Variants in TAF1B observed in about 807,000 individuals in gnomAD.
TAF1B encodes TATA-box binding protein associated factor, RNA polymerase I subunit B, also known as TATA box-binding protein-associated factor RNA polymerase I subunit B.
In TAF1B, 61 loss-of-function variants were observed where a neutral mutation model predicts 83.9. The ratio of observed to expected loss-of-function variants is 0.73; its 90% CI spans 0.59 to 0.90. The LOEUF (loss-of-function observed/expected upper bound fraction) is 0.90, where lower values mean the gene tolerates loss of function less well. Among genes scored for constraint, TAF1B ranks in the 40% least tolerant of loss-of-function variants. The pLI, the probability that TAF1B is intolerant of heterozygous loss-of-function variation, is 0.00. For missense variants in TAF1B, 625 were observed against 677.0 expected, an observed-to-expected ratio of 0.92 and a Z score of 0.85; for synonymous variants, 221 against 224.6, an observed-to-expected ratio of 0.98 and a Z score of 0.14.
At chr2:9,850,206 T>A (rs1417614919) in intron 3 of TAF1B, among the ~76,000 whole-genome samples, 1 of 152,166 alleles carries the variant, frequency 6.6e-6, no homozygotes, top group Non-Finnish European at 1.5e-5. Context: ...AAAACCTGAT[T>A]AATTTTGCCT....
At chr2:9,911,002 TAAAAAA>T in intron 10 of TAF1B, 89 bp downstream of exon 10, 5 of 1,282,022 alleles carry the variant, frequency 3.9e-6, no homozygotes, top group Non-Finnish European at 5.3e-6. Context: ...GAAGACACTT[TAAAAAA>T]AGAGCTAAAG....
At chr2:9,896,937 T>C (rs1310152829) in intron 8 of TAF1B, among the ~76,000 whole-genome samples, 1 of 152,164 alleles carries the variant, frequency 6.6e-6, no homozygotes, top group Non-Finnish European at 1.5e-5. Flanking sequence ...TTTTTCTGAG[T>C]TGTGATTCCT....
At chr2:9,902,925 A>T (rs1168452989) in intron 8 of TAF1B, among the ~76,000 whole-genome samples, 10 of 152,182 alleles carry the variant, frequency 6.6e-5, no homozygotes. Context: ...GTTGTACTAT[A>T]GTTATTTATC....
At chr2:9,889,994 C>T (rs1664817082) in intron 8 of TAF1B, among the ~76,000 whole-genome samples, 1 of 151,826 alleles carries the variant, frequency 6.6e-6, no homozygotes, top group Admixed American at 6.6e-5. Context: ...CTCAGCAAAA[C>T]ACATGAGAGG....
chr2:9,921,240 C>T (rs1665869539), intron 14 of TAF1B, among the ~76,000 whole-genome samples: 1 of 152,118 alleles, frequency 6.6e-6, no homozygotes, highest in African/African-American at 2.4e-5. Context: ...TACACGTGTG[C>T]ACCACCATAC....
intron 6 of TAF1B, 40 bp downstream of exon 6, chr2:9,868,469 T>A (rs1664066289): frequency 3.2e-6 from 5 of 1,584,120 alleles, no homozygotes; most frequent in Non-Finnish European, 4.3e-6. Flanking sequence ...TTTAAAGCTG[T>A]TATGCCCCTT....
chr2:9,876,025 TA>T lies in TAF1B; in HGVS notation c.707+8del. 1 of 1,598,316 alleles carries T rather than the reference TA, an allele frequency of 6.3e-7. No individual in the cohort carries two copies. Among genetic ancestry groups the T allele is most frequent in the African/African-American group, 1.3e-5 (1 of 74,854 alleles). On this transcript the variant is annotated splice_region_variant and intron_variant, in intron 7 of 14. Coordinates refer to ENST00000263663, the MANE Select transcript of TAF1B (RefSeq NM_005680.3). The stretch of plus-strand genomic sequence containing the variant: ...CACTTTCAGATCTTTTGAGGTTAGC[TA>T]GACCTCTTGTATGATAATATTTTTG...
At chr2:9,868,496 A>T (rs940270802) in intron 6 of TAF1B, 67 bp downstream of exon 6, 11 of 1,559,826 alleles carry the variant, frequency 7.1e-6, no homozygotes, top group Admixed American at 3.8e-5. Context: ...AATTTAGTCT[A>T]ATCTTCTGAT....
chr2:9,895,567 A>C (rs1435102899), intron 8 of TAF1B, among the ~76,000 whole-genome samples: 2 of 152,220 alleles, frequency 1.3e-5, no homozygotes, highest in Non-Finnish European at 1.5e-5. Context: ...AAAGTCTAGC[A>C]GATTAAAAAT....
intron 9 of TAF1B, among the ~76,000 whole-genome samples, chr2:9,907,479 A>T (rs1449852720): frequency 6.6e-6 from 1 of 152,074 alleles, no homozygotes; most frequent in African/African-American, 2.4e-5. Flanking sequence ...ACATGCTGAG[A>T]CAATAGCCGC....
intron 5 of TAF1B, 96 bp from the exon 6 acceptor site, chr2:9,868,179 CT>C: frequency 3.4e-6 from 4 of 1,176,946 alleles, no homozygotes; most frequent in Non-Finnish European, 4.7e-6. Flanking sequence ...AGAGTGGTTT[CT>C]TTTAGGGTGT....
chr2:9,873,208 G>A (rs1355032292), intron 6 of TAF1B, among the ~76,000 whole-genome samples: 1 of 152,170 alleles, frequency 6.6e-6, no homozygotes, highest in Non-Finnish European at 1.5e-5. Context: ...TGGCAAGACT[G>A]TCCGCCTTCA....
At chr2:9,925,968 T>C (rs1666021819) in intron 14 of TAF1B, among the ~76,000 whole-genome samples, 1 of 152,208 alleles carries the variant, frequency 6.6e-6, no homozygotes, top group African/African-American at 2.4e-5. Flanking sequence ...CTATAGCTTC[T>C]ATATGTTATT....
chr2:9,918,302 A>G (rs1350291277), intron 12 of TAF1B, among the ~76,000 whole-genome samples: 2 of 152,210 alleles, frequency 1.3e-5, no homozygotes, highest in Non-Finnish European at 2.9e-5. Context: ...CTGCTTGGCA[A>G]AGTTTAGCAA....
chr2:9,866,337 G>C (rs1276939145), intron 5 of TAF1B, among the ~76,000 whole-genome samples: 1 of 152,174 alleles, frequency 6.6e-6, no homozygotes, highest in Admixed American at 6.5e-5. Context: ...ATGAAAAAAT[G>C]CTCATCATCA....
intron 14 of TAF1B, among the ~76,000 whole-genome samples, chr2:9,928,787 C>T (rs1666122292): frequency 6.6e-6 from 1 of 152,178 alleles, no homozygotes. Flanking sequence ...TCTGAATATA[C>T]AATCATGTCA....
At chr2:9,852,326 A>G (rs1663423710) in intron 4 of TAF1B, among the ~76,000 whole-genome samples, 1 of 152,146 alleles carries the variant, frequency 6.6e-6, no homozygotes, top group Non-Finnish European at 1.5e-5. Context: ...CATCTAGTAA[A>G]AGTCATTTAA....
chr2:9,874,203 T>C (rs978618797), intron 6 of TAF1B, among the ~76,000 whole-genome samples: 1 of 152,136 alleles, frequency 6.6e-6, no homozygotes, highest in Non-Finnish European at 1.5e-5. Flanking sequence ...CCCATGATGC[T>C]CTCACTACAC....
chr2:9,905,384 A>G (rs1275707675), intron 9 of TAF1B, among the ~76,000 whole-genome samples: 1 of 152,252 alleles, frequency 6.6e-6, no homozygotes, highest in East Asian at 1.9e-4. Flanking sequence ...TTATTATTAC[A>G]TAATGAATTC....
Sources: allele counts gnomAD v4.1 joint callset (sites outside exome capture counted in the v4.1 genomes callset), GRCh38; gene constraint gnomAD v4.1.1; transcripts MANE v1.5; gene names NCBI Gene and HGNC (gene_info 2026-07-23, HGNC 2026-07-21).